Variants in H4C15 observed in about 807,000 individuals in gnomAD.
H4C15 encodes histone H4.
chr1:149,849,300 G>T (rs2092159197), downstream of H4C15, among the ~76,000 whole-genome samples: 1 of 152,160 alleles, frequency 6.6e-6, no homozygotes, highest in Admixed American at 6.5e-5. Context: ...ATGGAACCTG[G>T]GAATTTTCAT....
At chr1:149,858,701 AAAAG>A (rs2092192294), downstream of H4C15, among the ~76,000 whole-genome samples, 1 of 89,270 alleles carries the variant, frequency 1.1e-5, no homozygotes, top group Non-Finnish European at 2.3e-5. Flanking sequence ...AGAAAAGAAA[AAAAG>A]AAAAGCTGTT....
chr1:149,846,797 G>A, the H4C15 span: 2 of 152,130 alleles, frequency 1.3e-5, no homozygotes. Flanking sequence ...CAAATTTAAT[G>A]CTGATTCAGT....
downstream of H4C15, chr1:149,850,862 G>A (rs1296838598): frequency 6.2e-5 from 7 of 113,766 alleles, no homozygotes; most frequent in Non-Finnish European, 4.5e-5. Context: ...TACTTACAGA[G>A]GCTGTGCGCA....
At chr1:149,850,290 A>C (rs781843841), downstream of H4C15, 2 of 1,381,582 alleles carry the variant, frequency 1.4e-6, no homozygotes, top group East Asian at 4.9e-5. Flanking sequence ...TCTTTAACTG[A>C]GGTGGTTAAA....
the H4C15 span, chr1:149,848,952 G>C: frequency 6.6e-6 from 1 of 152,164 alleles, no homozygotes; most frequent in Non-Finnish European, 1.5e-5. Flanking sequence ...AACCCTAGAT[G>C]CATCTCTCAA....
chr1:149,848,544 A>G, the H4C15 span: 1 of 152,198 alleles, frequency 6.6e-6, no homozygotes, highest in Non-Finnish European at 1.5e-5. Context: ...TTCCCAAAAG[A>G]TAATAGCATA....
chr1:149,858,681 G>A (rs1443071485), downstream of H4C15, among the ~76,000 whole-genome samples: 3 of 95,760 alleles, frequency 3.1e-5, no homozygotes, highest in East Asian at 5.1e-4. Flanking sequence ...GGGAGGGAGG[G>A]AAAGAAAGAA....
chr1:149,858,562 T>C (rs2092188882), downstream of H4C15, among the ~76,000 whole-genome samples: 1 of 12,224 alleles, frequency 8.2e-5, no homozygotes, highest in South Asian at 4.1e-3. Flanking sequence ...TGCCACTGCA[T>C]TCCAGCCTGT....
chr1:149,850,048 C>G, downstream of H4C15: 1 of 391,094 alleles, frequency 2.6e-6, no homozygotes, highest in Non-Finnish European at 4.8e-6. Context: ...CTCCTGGGCA[C>G]ATATTCACGG....
downstream of H4C15, chr1:149,850,213 T>C (rs930906134): frequency 1.3e-6 from 1 of 781,428 alleles, no homozygotes; most frequent in Non-Finnish European, 2.2e-6. Context: ...TGGTGTTGTG[T>C]GCTCTCCTAA....
At chr1:149,844,954 C>G in the H4C15 span, 1 of 152,262 alleles carries the variant, frequency 6.6e-6, no homozygotes, top group African/African-American at 2.4e-5. Context: ...AGAAAGACAA[C>G]AGGGAAAAGT....
chr1:149,850,282 T>C (rs587598405), downstream of H4C15: 4 of 1,380,404 alleles, frequency 2.9e-6, no homozygotes, highest in East Asian at 9.9e-5. Context: ...AGAAAGATTC[T>C]TTAACTGAGG....
the H4C15 span, chr1:149,845,358 T>G: frequency 1.3e-5 from 2 of 152,226 alleles, no homozygotes; most frequent in Non-Finnish European, 2.9e-5. Context: ...TAAAAATAAG[T>G]GACTAAATGT....
chr1:149,850,361 G>A (rs2092171074), downstream of H4C15: 1 of 725,318 alleles, frequency 1.4e-6, no homozygotes, highest in East Asian at 2.7e-5. Flanking sequence ...GAGGGAGGGA[G>A]GGAGCGAGCG....
chr1:149,844,530 A>G, the H4C15 span: 34 of 146,444 alleles, frequency 2.3e-4, no homozygotes, highest in African/African-American at 8.6e-4. Flanking sequence ...ATATATTTTT[A>G]TTAGGATTTA....
chr1:149,846,322 C>T, the H4C15 span: 192 of 152,182 alleles, frequency 1.3e-3, 1 homozygote, highest in African/African-American at 4.5e-3. Flanking sequence ...CTACATAGTA[C>T]GTATTATGAC....
chr1:149,847,153 C>G, the H4C15 span: 1 of 152,236 alleles, frequency 6.6e-6, no homozygotes, highest in Admixed American at 6.5e-5. Flanking sequence ...TCCTTCTACA[C>G]TTGACTTTCT....
the H4C15 span, chr1:149,848,690 C>G: frequency 6.6e-6 from 1 of 152,126 alleles, no homozygotes; most frequent in Non-Finnish European, 1.5e-5. Context: ...TCAGGCCAAC[C>G]CTAAGAACTG....
chr1:149,849,502 G>A (rs587671328), downstream of H4C15, among the ~76,000 whole-genome samples: 1 of 152,178 alleles, frequency 6.6e-6, no homozygotes, highest in Non-Finnish European at 1.5e-5. Context: ...GTGATTCCAA[G>A]TCCAGTGTTC....
Sources: allele counts gnomAD v4.1 joint callset (sites outside exome capture counted in the v4.1 genomes callset), GRCh38; gene constraint gnomAD v4.1.1; transcripts MANE v1.5; gene names NCBI Gene and HGNC (gene_info 2026-07-23, HGNC 2026-07-21).